The following PCDH11X variants were observed in gnomAD, a reference collection of about 807,000 sequenced individuals.
PCDH11X encodes the protein protocadherin-11 X-linked.
Under a neutral mutation model 53.3 loss-of-function variants are expected in PCDH11X, and 18 were observed. The observed-to-expected ratio is 0.34, with a 90% CI of 0.23 to 0.50. The LOEUF (loss-of-function observed/expected upper bound fraction) is 0.50. Ranked by LOEUF, PCDH11X falls within the 20% of genes least tolerant of loss-of-function variation. The pLI is 0.98. For missense variants in PCDH11X, 570 were observed against 1,032.4 expected, an observed-to-expected ratio of 0.55 and a Z score of 6.14; for synonymous variants, 279 against 393.3, an observed-to-expected ratio of 0.71 and a Z score of 3.44.
chrX:92,389,843 T>A (rs2522679), intron 9 of PCDH11X, among the ~76,000 whole-genome samples: 45,902 of 106,963 alleles, frequency 0.43, 7,614 homozygotes, highest in Non-Finnish European at 0.49. Context: ...CTTTTTTTTT[T>A]AAAAAAAGGG....
At chrX:92,217,878 T>C (rs1268869545) in intron 7 of PCDH11X, among the ~76,000 whole-genome samples, 1 of 110,392 alleles carries the variant, frequency 9.1e-6, no homozygotes, top group Admixed American at 9.7e-5. Context: ...GCAATCAAAC[T>C]AGAACTCAGG....
intron 6 of PCDH11X, among the ~76,000 whole-genome samples, chrX:92,110,370 C>T (rs2148155447): frequency 9.3e-6 from 1 of 107,965 alleles, no homozygotes; most frequent in Non-Finnish European, 1.9e-5. Context: ...TCAGTAGACA[C>T]TGTCAACCGA....
intron 6 of PCDH11X, among the ~76,000 whole-genome samples, chrX:92,185,660 A>G (rs1224488740): frequency 8.9e-6 from 1 of 111,745 alleles, no homozygotes; most frequent in Non-Finnish European, 1.9e-5. Flanking sequence ...ACAACTCAAT[A>G]GCAGAAAACA....
At chrX:92,049,893 C>A (rs1328954842) in intron 6 of PCDH11X, among the ~76,000 whole-genome samples, 2 of 111,320 alleles carry the variant, frequency 1.8e-5, no homozygotes, top group African/African-American at 3.3e-5. Flanking sequence ...CCTGCCTCAG[C>A]CTCCCGAGTA....
At chrX:92,337,759 AG>A (rs752931118) in intron 8 of PCDH11X, among the ~76,000 whole-genome samples, 11 of 111,253 alleles carry the variant, frequency 9.9e-5, no homozygotes, top group Non-Finnish European at 1.9e-4. Flanking sequence ...GACCATCTTC[AG>A]GGTTTTCTAA....
chrX:91,954,601 C>T, intron 6 of PCDH11X, among the ~76,000 whole-genome samples: 1 of 110,682 alleles, frequency 9.0e-6, no homozygotes, highest in Non-Finnish European at 1.9e-5. Flanking sequence ...TCCTTTTTCT[C>T]CACAATTTTA....
intron 9 of PCDH11X, among the ~76,000 whole-genome samples, chrX:92,432,995 T>C (rs1839388150): frequency 9.0e-6 from 1 of 110,822 alleles, no homozygotes; most frequent in Non-Finnish European, 1.9e-5. Flanking sequence ...TGTAAATCCA[T>C]TAATATAAAT....
intron 4 of PCDH11X, among the ~76,000 whole-genome samples, chrX:91,821,934 T>C (rs1444446885): frequency 1.0e-5 from 1 of 99,817 alleles, no homozygotes; most frequent in African/African-American, 4.5e-5. Context: ...GAGATAATCA[T>C]GTGGTTTTTG....
At chrX:91,923,574 A>G (rs1941828445) in intron 6 of PCDH11X, among the ~76,000 whole-genome samples, 1 of 108,126 alleles carries the variant, frequency 9.2e-6, no homozygotes, top group Non-Finnish European at 1.9e-5. Flanking sequence ...TGAAGGCTGC[A>G]TTGTCGGCTT....
At chrX:91,951,663 A>G (rs1016653563) in intron 6 of PCDH11X, among the ~76,000 whole-genome samples, 5 of 103,395 alleles carry the variant, frequency 4.8e-5, no homozygotes, top group Non-Finnish European at 7.9e-5. Flanking sequence ...TGACAACTTT[A>G]TTTTTTCTAG....
At chrX:92,061,914 G>A (rs976338066) in intron 6 of PCDH11X, among the ~76,000 whole-genome samples, 1 of 111,459 alleles carries the variant, frequency 9.0e-6, no homozygotes, top group African/African-American at 3.3e-5. Context: ...TGGGCAGTAT[G>A]GCCATTTAAC....
intron 7 of PCDH11X, among the ~76,000 whole-genome samples, chrX:92,251,748 T>C (rs1487588397): frequency 9.0e-6 from 1 of 111,148 alleles, no homozygotes; most frequent in Non-Finnish European, 1.9e-5. Flanking sequence ...AATGCTCCTG[T>C]AAATGTCACC....
rs1309543657 is a variant in PCDH11X at position 91,835,925 on chromosome X, G to C, written c.421G>C (p.Ala141Pro). ...DINDNAPLFP[A>P]TVINISIPEN... is the part of the protein sequence containing the mutation. ...AAATGATAATGCACCATTGTTCCCAGCAACAGTTATCAACATATCAATTCC... is the reference window on the plus strand; with the variant it reads ...AAATGATAATGCACCATTGTTCCCACCAACAGTTATCAACATATCAATTCC... The change falls in exon 5 of 11, where the codon GCA (alanine) becomes CCA (proline). Residue 141 changes from alanine to proline, a missense_variant. Around this residue, in one of 6 missense-constraint regions of PCDH11X, gnomAD observed 84 missense variants for 142.0 expected, o/e 0.59. Transcript: ENST00000682573. The C allele has an allele frequency of 8.3e-7, 1 of 1,208,968 alleles. No homozygotes were observed. The highest frequency in any genetic ancestry group is 2.2e-5 in the Admixed American group (1 of 45,704).
intron 6 of PCDH11X, among the ~76,000 whole-genome samples, chrX:91,937,684 A>G (rs1312046182): frequency 9.0e-6 from 1 of 111,125 alleles, no homozygotes; most frequent in African/African-American, 3.3e-5. Flanking sequence ...CATTAGTTCA[A>G]AACATCATTA....
At chrX:92,361,931 T>C (rs1404074606) in intron 8 of PCDH11X, among the ~76,000 whole-genome samples, 2 of 111,668 alleles carry the variant, frequency 1.8e-5, no homozygotes, top group Non-Finnish European at 3.8e-5. Context: ...TTTGTCTTTT[T>C]TTGGGTTATT....
In PCDH11X at chrX:92,605,069, A is replaced by G. The variant is rs1926643871; in HGVS notation, c.3368-13195A>G. Among the ~76,000 whole-genome samples, 3 of 105,850 alleles carry G rather than the reference A, an allele frequency of 2.8e-5. No homozygotes were observed. In the South Asian group the frequency reaches 1.2e-3, roughly 43 times the overall value. 91.9% of individuals were successfully genotyped at this position (105,850 alleles called of 115,157 possible). A position where few individuals can be genotyped will look rare whatever the true frequency, so the allele number is the denominator to read the frequency against. On this transcript the variant is annotated intron_variant, in intron 10 of 10. Coordinates refer to ENST00000682573, the MANE Select transcript of PCDH11X (RefSeq NM_032968.5). ...AAGACTCAAACAGCACTCTAGCCCA[A>G]CTAGAACTAGCAGACATGTATCTGA...
intron 6 of PCDH11X, among the ~76,000 whole-genome samples, chrX:91,899,947 C>T (rs1444619484): frequency 5.4e-5 from 6 of 111,743 alleles, no homozygotes; most frequent in African/African-American, 2.0e-4. Flanking sequence ...CAGCAAGCAC[C>T]TCAGCAGGTC....
intron 6 of PCDH11X, among the ~76,000 whole-genome samples, chrX:92,179,742 T>C (rs2065964073): frequency 8.9e-6 from 1 of 112,070 alleles, no homozygotes; most frequent in African/African-American, 3.2e-5. Flanking sequence ...TTAGAGGTAA[T>C]ACAGTTGTAG....
intron 4 of PCDH11X, among the ~76,000 whole-genome samples, chrX:91,812,736 T>C (rs1286857572): frequency 1.8e-5 from 2 of 111,324 alleles, no homozygotes; most frequent in Non-Finnish European, 3.8e-5. Context: ...CTCTCTTTAA[T>C]ACCTTCATCC....
Sources: gnomAD v4.1 joint callset for allele counts (sites outside exome capture counted in the v4.1 genomes callset) on GRCh38, gnomAD v4.1.1 for gene constraint, gnomAD v4.1.1 regional missense constraint, MANE v1.5 for transcripts, NCBI Gene and HGNC (gene_info 2026-07-23, HGNC 2026-07-21) for gene names.